The following FAXC variants were observed in gnomAD, a reference collection of about 807,000 sequenced individuals.
FAXC encodes failed axon connections homolog, metaxin like GST domain containing.
Under a neutral mutation model 41.9 loss-of-function variants are expected in FAXC, and 10 were observed. That is an observed-to-expected ratio of 0.24 (90% CI 0.15 to 0.41). The LOEUF (loss-of-function observed/expected upper bound fraction) is 0.41. Among genes scored for constraint, FAXC ranks in the 10% least tolerant of loss-of-function variants. The pLI is 1.00. For synonymous variants in FAXC, 183 were observed against 183.8 expected (o/e 1.00, Z 0.03); for missense variants, 399 against 510.9 (o/e 0.78, Z 2.11).
Position 99,273,515 on chromosome 6 carries a change from T to C in FAXC, c.*7649A>G, listed in dbSNP as rs1423372510. 2.0e-5 allele frequency: 3 copies of C among 149,250 alleles called. No homozygotes were observed. In the East Asian group the frequency reaches 5.8e-4, roughly 29 times the overall value. 9.2% of individuals were successfully genotyped at this position (149,250 alleles called of 1,614,324 possible). On this transcript the variant is annotated 3_prime_UTR_variant, in exon 6 of 6. Transcript: ENST00000389677. ...ACCTCAGTGTGTTGTTAAATCTTTC[T>C]GGAATTTTCAAGGCATTCTAGATCA...
intron 4 of FAXC, among the ~76,000 whole-genome samples, chr6:99,295,400 T>C (rs1771443493): frequency 6.6e-6 from 1 of 152,188 alleles, no homozygotes; most frequent in Non-Finnish European, 1.5e-5. Flanking sequence ...TGGATGAGAT[T>C]AGCATGTGAA....
At chr6:99,335,129 T>C (rs1234564323) in intron 2 of FAXC, among the ~76,000 whole-genome samples, 2 of 152,218 alleles carry the variant, frequency 1.3e-5, no homozygotes, top group African/African-American at 4.8e-5. Flanking sequence ...TGTAGTCCCC[T>C]ACCCTTACAG....
At chr6:99,331,219 C>T (rs1218655332) in intron 3 of FAXC, among the ~76,000 whole-genome samples, 1 of 152,102 alleles carries the variant, frequency 6.6e-6, no homozygotes, top group Non-Finnish European at 1.5e-5. Flanking sequence ...ATAGCTAACC[C>T]CTCCAACATT....
intron 5 of FAXC, among the ~76,000 whole-genome samples, chr6:99,289,790 A>C (rs1771163824): frequency 6.6e-6 from 1 of 151,860 alleles, no homozygotes. Flanking sequence ...AGTTTAGCTT[A>C]CCTTAAACGT....
At chr6:99,349,039 C>A in intron 1 of FAXC, 68 bp downstream of exon 1, 1 of 1,495,752 alleles carries the variant, frequency 6.7e-7, no homozygotes, top group Non-Finnish European at 9.1e-7. Context: ...GGGCCCCTCT[C>A]GCGCCAGCCC....
intron 5 of FAXC, among the ~76,000 whole-genome samples, chr6:99,291,223 C>T (rs1025690962): frequency 6.6e-6 from 1 of 152,110 alleles, no homozygotes; most frequent in African/African-American, 2.4e-5. Context: ...TGTGCAACAT[C>T]GAAAAACAGT....
rs79836824 is a variant in FAXC, at chr6:99,340,597, G to A, written c.402+2301C>T. Among the ~76,000 whole-genome samples, 855 of 150,010 alleles carry A rather than the reference G, an allele frequency of 5.7e-3. 61 individuals carry two copies. The East Asian group carries it at 0.15, about 26-fold the overall frequency. ...ATAAGATATATGGGAAATAAGGCTAGTCAAATAACATACTAAAGTTTGTTG... is the reference window on the plus strand; with the variant it reads ...ATAAGATATATGGGAAATAAGGCTAATCAAATAACATACTAAAGTTTGTTG... On this transcript the variant is annotated intron_variant, in intron 2 of 5. Transcript: ENST00000389677.
chr6:99,318,306 C>CACAAAAAAAAAAAA lies in FAXC; in HGVS notation c.823+5137_823+5138insTTTTTTTTTTTTGT, dbSNP rs147852055. 2.2e-5 allele frequency among the ~76,000 whole-genome samples: 3 copies of CACAAAAAAAAAAAA among 135,316 alleles called. 1 individual carries two copies. In the East Asian group the frequency reaches 7.0e-4, roughly 31 times the overall value. 88.8% of individuals were successfully genotyped at this position (135,316 alleles called of 152,430 possible). A position where few individuals can be genotyped will look rare whatever the true frequency, so the allele number is the denominator to read the frequency against. On this transcript the variant is annotated intron_variant, in intron 4 of 5. Coordinates refer to ENST00000389677, the MANE Select transcript of FAXC (RefSeq NM_032511.4). ...ACACACACACACACACACACACACA[C>CACAAAAAAAAAAAA]AAAATAGAAGAAATGGAAAATATAT...
intron 1 of FAXC, among the ~76,000 whole-genome samples, chr6:99,348,865 A>G (rs1218875000): frequency 6.6e-6 from 1 of 152,238 alleles, no homozygotes; most frequent in East Asian, 1.9e-4. Flanking sequence ...ACGACAAGTG[A>G]CCCAGAGCAT....
intron 4 of FAXC, among the ~76,000 whole-genome samples, chr6:99,297,785 G>C (rs1771558072): frequency 6.6e-6 from 1 of 152,156 alleles, no homozygotes; most frequent in Non-Finnish European, 1.5e-5. Flanking sequence ...GGCTATCTAA[G>C]CCTGACCTTT....
At chr6:99,340,224 C>T (rs7770129) in intron 2 of FAXC, among the ~76,000 whole-genome samples, 75,227 of 151,588 alleles carry the variant, frequency 0.5, 18,983 homozygotes, top group East Asian at 0.6. Context: ...CTCAGCCTCC[C>T]GAGTAGCTGG....
In FAXC at chr6:99,276,390, G is replaced by A. The variant is rs1439036441; in HGVS notation, c.*4774C>T. 1 of 152,150 alleles carries A rather than the reference G, an allele frequency of 6.6e-6. No homozygotes were observed. The highest frequency in any genetic ancestry group is 1.5e-5 in the Non-Finnish European group (1 of 68,024). 9.4% of individuals were successfully genotyped at this position (152,150 alleles called of 1,614,324 possible). ...ATCCATGCAGAAGCGGTGGGTTTCA[G>A]GGCTGAAAGGAAGCGCACTTGGCCC... On this transcript the variant is annotated 3_prime_UTR_variant, in exon 6 of 6. Transcript: ENST00000389677.
chr6:99,302,821 T>G (rs1771765774), intron 4 of FAXC, among the ~76,000 whole-genome samples: 1 of 151,818 alleles, frequency 6.6e-6, no homozygotes, highest in South Asian at 2.1e-4. Context: ...AGAGCTACAT[T>G]CAAAAGTGAT....
chr6:99,304,147 G>A (rs74782353), intron 4 of FAXC, among the ~76,000 whole-genome samples: 7,252 of 152,044 alleles, frequency 0.048, 470 homozygotes, highest in East Asian at 0.34. Flanking sequence ...TTAGCCGGGC[G>A]TGGGAGAGCA....
chr6:99,329,665 GAAAGA>G (rs1325306584), intron 3 of FAXC, among the ~76,000 whole-genome samples: 1 of 152,022 alleles, frequency 6.6e-6, no homozygotes, highest in Non-Finnish European at 1.5e-5. Flanking sequence ...GGGGAGAAAA[GAAAGA>G]AAAGGAGAAC....
intron 4 of FAXC, among the ~76,000 whole-genome samples, chr6:99,296,949 T>C (rs1771521395): frequency 6.6e-6 from 1 of 152,140 alleles, no homozygotes; most frequent in South Asian, 2.1e-4. Context: ...ATATTGTAGA[T>C]GAAGGAACCA....
At chr6:99,336,640 T>C (rs1202046744) in intron 2 of FAXC, among the ~76,000 whole-genome samples, 2 of 152,190 alleles carry the variant, frequency 1.3e-5, no homozygotes, top group Admixed American at 6.5e-5. Flanking sequence ...GTGAAGGCCA[T>C]AGGCTTTGGA....
chr6:99,330,712 T>C (rs1192936912), intron 3 of FAXC, among the ~76,000 whole-genome samples: 2 of 152,238 alleles, frequency 1.3e-5, no homozygotes, highest in African/African-American at 4.8e-5. Context: ...CTCTTCTGGC[T>C]ATGTGAGTAT....
chr6:99,282,250 G>T (rs1027383583), intron 5 of FAXC, among the ~76,000 whole-genome samples: 5 of 152,024 alleles, frequency 3.3e-5, no homozygotes, highest in African/African-American at 1.2e-4. Context: ...CAAACTGTTG[G>T]TTGCATTAAG....
Sources: allele counts gnomAD v4.1 joint callset (sites outside exome capture counted in the v4.1 genomes callset), GRCh38; gene constraint gnomAD v4.1.1; transcripts MANE v1.5; gene names NCBI Gene and HGNC (gene_info 2026-07-23, HGNC 2026-07-21).